SLC35A3: variants seen among roughly 807,000 people sequenced by gnomAD.
The protein encoded by SLC35A3 is solute carrier family 35 member A3, also known as UDP-N-acetylglucosamine transporter.
Under a neutral mutation model 39.0 loss-of-function variants are expected in SLC35A3, and 26 were observed. That is an observed-to-expected ratio of 0.67 (90% CI 0.49 to 0.92). SLC35A3 has a LOEUF of 0.92. Among genes scored for constraint, SLC35A3 ranks in the 40% least tolerant of loss-of-function variants. SLC35A3 has a pLI of 0.00. For synonymous variants in SLC35A3, 135 were observed against 133.1 expected (o/e 1.01, Z -0.10); for missense variants, 299 against 371.6 (o/e 0.80, Z 1.61).
rs547844527 is a variant in SLC35A3 at position 100,033,319 on chromosome 1, C to T, written c.*10843C>T. The T allele has an allele frequency of 1.7e-4, 26 of 150,670 alleles. No individual in the cohort carries two copies. The highest frequency in any genetic ancestry group is 5.8e-4 in the African/African-American group (24 of 41,114). The allele number at this position is 150,670 out of a possible 1,614,324, so 9.3% of individuals were successfully genotyped here. The stretch of plus-strand genomic sequence containing the variant: ...AAAAAAAAAAAAAGATAAATTTTTT[C>T]GAAAAGTTTTATATGAAAAGTGTAC... On this transcript the variant is annotated 3_prime_UTR_variant, in exon 8 of 8. Transcript: ENST00000533028.
Position 100,024,113 on chromosome 1 carries a change from CAT to C in SLC35A3, c.*1638_*1639del, listed in dbSNP as rs1156799087. On this transcript the variant is annotated 3_prime_UTR_variant, in exon 8 of 8. Coordinates refer to ENST00000533028, the MANE Select transcript of SLC35A3 (RefSeq NM_012243.3). ...ACACTGGAGCTGAGGATGCAGATTACATGAGTTATTTAATAAGTTGATTCAAG... is the reference window on the plus strand; with the variant it reads ...ACACTGGAGCTGAGGATGCAGATTACGAGTTATTTAATAAGTTGATTCAAG... 1 of 151,722 alleles carries C rather than the reference CAT, an allele frequency of 6.6e-6. No individual in the cohort carries two copies. Among genetic ancestry groups the C allele is most frequent in the African/African-American group, 2.4e-5 (1 of 41,268 alleles). The allele number at this position is 151,722 out of a possible 1,614,324, so 9.4% of individuals were successfully genotyped here.
chr1:99,993,819 C>A, intron 2 of SLC35A3, 78 bp downstream of exon 2: 1 of 1,285,614 alleles, frequency 7.8e-7, no homozygotes, highest in Non-Finnish European at 1.1e-6. Flanking sequence ...TACACATTTG[C>A]ACTCTTGCAT....
At position 100,032,949 on chromosome 1, in the gene SLC35A3, G is replaced by C. The variant is rs550623653; in HGVS notation, c.*10473G>C. ...TTATATTTGTCTTGTTCCAAATTTGGATTATCAGCTAATTCTCCAAGGAGC... is the reference window on the plus strand; with the variant it reads ...TTATATTTGTCTTGTTCCAAATTTGCATTATCAGCTAATTCTCCAAGGAGC... On this transcript the variant is annotated 3_prime_UTR_variant, in exon 8 of 8. Coordinates refer to ENST00000533028, the MANE Select transcript of SLC35A3 (RefSeq NM_012243.3). 1 of 152,260 alleles carries C rather than the reference G, an allele frequency of 6.6e-6. No individual in the cohort carries two copies. Among genetic ancestry groups the C allele is most frequent in the East Asian group, 1.9e-4 (1 of 5,182 alleles). 9.4% of individuals were successfully genotyped at this position (152,260 alleles called of 1,614,324 possible).
rs748672283 is a variant in SLC35A3, at chr1:100,024,574, C to A, written c.*2098C>A. On this transcript the variant is annotated 3_prime_UTR_variant, in exon 8 of 8. Transcript: ENST00000533028. ...TCAAAAAAAAAAAAAAGAAAACACA[C>A]ACACACACACACACACCCACAGTAT... The A allele has an allele frequency of 2.4e-5, 5 of 206,840 alleles. 1 individual carries two copies. The South Asian group carries it at 5.7e-4, about 24-fold the overall frequency. The allele number at this position is 206,840 out of a possible 1,614,324, so 12.8% of individuals were successfully genotyped here.
At position 100,034,022 on chromosome 1, in the gene SLC35A3, GAA is replaced by G. The variant is rs1661378521; in HGVS notation, c.*11549_*11550del. Reference sequence around the variant, plus strand: ...ACTTAAAGTACACCTTGGCCATGTAGAAAATCCTTGACAAACATTTCCTTTTC... The same window carrying G: ...ACTTAAAGTACACCTTGGCCATGTAGAATCCTTGACAAACATTTCCTTTTC... On this transcript the variant is annotated 3_prime_UTR_variant, in exon 8 of 8. Coordinates refer to ENST00000533028, the MANE Select transcript of SLC35A3 (RefSeq NM_012243.3). 6.6e-6 allele frequency: 1 copy of G among 152,144 alleles called. No homozygotes were observed. The highest frequency in any genetic ancestry group is 1.5e-5 in the Non-Finnish European group (1 of 68,026). The allele number at this position is 152,144 out of a possible 1,614,324, so 9.4% of individuals were successfully genotyped here. A position where few individuals can be genotyped will look rare whatever the true frequency, so the allele number is the denominator to read the frequency against.
intron 7 of SLC35A3, among the ~76,000 whole-genome samples, chr1:100,020,715 T>C (rs903860587): frequency 6.6e-6 from 1 of 152,010 alleles, no homozygotes; most frequent in African/African-American, 2.4e-5. Context: ...TTAATGACAG[T>C]GTGGTAAGTG....
chr1:100,022,463 C>A lies in SLC35A3; in HGVS notation c.965C>A (p.Pro322His). Reference protein sequence around the residue: ...YGYDPKPAGNPTKA With the variant: ...YGYDPKPAGNHTKA The stretch of plus-strand genomic sequence containing the variant: ...TATGATCCCAAACCTGCAGGAAATC[C>A]CACTAAAGCATAGTTGTATACTATC... The change falls in exon 8 of 8, where the codon CCC becomes CAC. Residue 322 changes from proline (P) to histidine (H), a missense_variant. Physicochemically the swap from Pro to His is moderately conservative, Grantham distance 77. Coordinates refer to ENST00000533028, the MANE Select transcript of SLC35A3 (RefSeq NM_012243.3). The A allele has an allele frequency of 6.3e-7, 1 of 1,583,630 alleles. No homozygotes were observed. The highest frequency in any genetic ancestry group is 8.7e-7 in the Non-Finnish European group (1 of 1,154,220).
At chr1:99,994,605 C>A (rs1049172792) in intron 2 of SLC35A3, among the ~76,000 whole-genome samples, 1 of 152,202 alleles carries the variant, frequency 6.6e-6, no homozygotes, top group Non-Finnish European at 1.5e-5. Flanking sequence ...CACGTTGTAA[C>A]ATGCATCAGA....
Position 100,032,572 on chromosome 1 carries a change from G to A in SLC35A3, c.*10096G>A, listed in dbSNP as rs776943347. The A allele has an allele frequency of 1.3e-5, 2 of 152,148 alleles. No individual in the cohort carries two copies. The highest frequency in any genetic ancestry group is 6.5e-5 in the Admixed American group (1 of 15,270). 9.4% of individuals were successfully genotyped at this position (152,148 alleles called of 1,614,324 possible). On this transcript the variant is annotated 3_prime_UTR_variant, in exon 8 of 8. Coordinates refer to ENST00000533028, the MANE Select transcript of SLC35A3 (RefSeq NM_012243.3). ...GCTCTTGGGTTTTTTTTGAGATGGA[G>A]TTTCACTCTGTCACCCAAGCTGGAG...
chr1:100,000,852 T>C (rs773215053), intron 3 of SLC35A3: 12 of 151,946 alleles, frequency 7.9e-5, no homozygotes, highest in Non-Finnish European at 1.8e-4. Context: ...AGTCTTATGT[T>C]TACATCTTTA....
At chr1:100,011,285 G>A (rs1171620546) in intron 4 of SLC35A3, 80 bp from the exon 5 acceptor site, 6 of 612,022 alleles carry the variant, frequency 9.8e-6, no homozygotes, top group Non-Finnish European at 1.6e-5. Context: ...TTTAAGTTAT[G>A]GTCTAAGAGT....
chr1:99,985,250 G>A (rs1283044827), intron 1 of SLC35A3, among the ~76,000 whole-genome samples: 1 of 152,138 alleles, frequency 6.6e-6, no homozygotes, highest in Admixed American at 6.6e-5. Context: ...TTTTGTGTAA[G>A]GTGAGAGAGG....
chr1:100,029,642 G>GC lies in SLC35A3; in HGVS notation c.*7167dup, dbSNP rs1661117112. The GC allele has an allele frequency of 1.3e-5, 2 of 152,072 alleles. No individual in the cohort carries two copies. The highest frequency in any genetic ancestry group is 6.6e-5 in the Admixed American group (1 of 15,248). The allele number at this position is 152,072 out of a possible 1,614,324, so 9.4% of individuals were successfully genotyped here. On this transcript the variant is annotated 3_prime_UTR_variant, in exon 8 of 8. Transcript: ENST00000533028. Reference sequence around the variant, plus strand: ...GACGGGTTTTCACCATGTTGGCCAGGCTGGTCTCGAACTCCTGACCTCAGG... The same window carrying GC: ...GACGGGTTTTCACCATGTTGGCCAGGCCTGGTCTCGAACTCCTGACCTCAGG...
At chr1:100,003,082 A>C (rs910225047) in intron 3 of SLC35A3, among the ~76,000 whole-genome samples, 1 of 151,964 alleles carries the variant, frequency 6.6e-6, no homozygotes, top group Non-Finnish European at 1.5e-5. Flanking sequence ...TGTATCTCAT[A>C]GGTTTTGGTA....
At chr1:100,014,303 C>T (rs1364880287) in intron 5 of SLC35A3, among the ~76,000 whole-genome samples, 1 of 152,140 alleles carries the variant, frequency 6.6e-6, no homozygotes, top group Non-Finnish European at 1.5e-5. Context: ...CCACTGTAAC[C>T]TCAAACTTCT....
In SLC35A3 at chr1:99,997,410, T is replaced by TTATATATATATATA. The variant is rs71970416; in HGVS notation, c.188-1817_188-1804dup. On this transcript the variant is annotated intron_variant, in intron 2 of 7. Coordinates refer to ENST00000533028, the MANE Select transcript of SLC35A3 (RefSeq NM_012243.3). ...ACAGTTATATGTTTTATATATAGTT[T>TTATATATATATATA]TATATATATATATATATATATATAT... 7.1e-4 allele frequency among the ~76,000 whole-genome samples: 65 copies of TTATATATATATATA among 92,062 alleles called. 3 individuals are homozygous for TTATATATATATATA. Among genetic ancestry groups the TTATATATATATATA allele is most frequent in the East Asian group, 9.2e-4 (3 of 3,262 alleles). The allele number at this position is 92,062 out of a possible 152,430, so 60.4% of individuals were successfully genotyped here. A position where few individuals can be genotyped will look rare whatever the true frequency, so the allele number is the denominator to read the frequency against.
Position 100,030,902 on chromosome 1 carries a change from G to C in SLC35A3, c.*8426G>C, listed in dbSNP as rs1661176507. 6.6e-6 allele frequency: 1 copy of C among 152,020 alleles called. No homozygotes were observed. Among genetic ancestry groups the C allele is most frequent in the South Asian group, 2.1e-4 (1 of 4,830 alleles). The allele number at this position is 152,020 out of a possible 1,614,324, so 9.4% of individuals were successfully genotyped here. ...GGGTAATATTTCCTGAGTGATGATA[G>C]AATTATAGAAAATCATGAAAGATGT... On this transcript the variant is annotated 3_prime_UTR_variant, in exon 8 of 8. Transcript: ENST00000533028.
chr1:99,994,649 A>G (rs975680569), intron 2 of SLC35A3, among the ~76,000 whole-genome samples: 10 of 152,176 alleles, frequency 6.6e-5, no homozygotes, highest in African/African-American at 1.2e-4. Flanking sequence ...ATAACATTCT[A>G]TTGTATGGAC....
Position 100,034,014 on chromosome 1 carries a change from G to A in SLC35A3, c.*11538G>A, listed in dbSNP as rs1375150695. On this transcript the variant is annotated 3_prime_UTR_variant, in exon 8 of 8. Coordinates refer to ENST00000533028, the MANE Select transcript of SLC35A3 (RefSeq NM_012243.3). ...GCCTAGATACTTAAAGTACACCTTG[G>A]CCATGTAGAAAATCCTTGACAAACA... The A allele has an allele frequency of 6.6e-6, 1 of 152,070 alleles. No individual in the cohort carries two copies. Among genetic ancestry groups the A allele is most frequent in the African/African-American group, 2.4e-5 (1 of 41,422 alleles). The allele number at this position is 152,070 out of a possible 1,614,324, so 9.4% of individuals were successfully genotyped here.
Sources: allele counts gnomAD v4.1 joint callset (sites outside exome capture counted in the v4.1 genomes callset), GRCh38; gene constraint gnomAD v4.1.1; transcripts MANE v1.5; gene names NCBI Gene and HGNC (gene_info 2026-07-23, HGNC 2026-07-21).